Variants in LEPROT observed in about 807,000 individuals in gnomAD.
The protein encoded by LEPROT is leptin receptor overlapping transcript, also known as leptin receptor gene-related protein.
In LEPROT, 3 loss-of-function variants were observed where a neutral mutation model predicts 15.4. The observed-to-expected ratio is 0.19, with a 90% CI of 0.09 to 0.50. The LOEUF (loss-of-function observed/expected upper bound fraction) is 0.50. Ranked by LOEUF, LEPROT falls within the 20% of genes least tolerant of loss-of-function variation. LEPROT has a pLI of 0.97. For synonymous variants in LEPROT, 59 were observed against 57.5 expected, an observed-to-expected ratio of 1.03 and a Z score of -0.12; for missense variants, 137 against 162.2, an observed-to-expected ratio of 0.84 and a Z score of 0.84.
intron 2 of LEPROT, among the ~76,000 whole-genome samples, chr1:65,428,660 G>A (rs942694540): frequency 2.6e-5 from 4 of 152,048 alleles, no homozygotes; most frequent in Non-Finnish European, 4.4e-5. Context: ...CTGTCTGGGC[G>A]TATCTGTGTG....
At chr1:65,423,503 T>C (rs1570412225) in intron 1 of LEPROT, among the ~76,000 whole-genome samples, 1 of 152,140 alleles carries the variant, frequency 6.6e-6, no homozygotes, top group African/African-American at 2.4e-5. Context: ...GTACTGCCGA[T>C]GGTCAGGCAC....
intron 1 of LEPROT, among the ~76,000 whole-genome samples, chr1:65,424,049 C>T (rs1242153091): frequency 6.6e-6 from 1 of 152,172 alleles, no homozygotes; most frequent in Non-Finnish European, 1.5e-5. Context: ...AGCTTCTACC[C>T]AAAGTCATAA....
chr1:65,424,880 T>G (rs1646328510), intron 1 of LEPROT, among the ~76,000 whole-genome samples: 1 of 152,084 alleles, frequency 6.6e-6, no homozygotes, highest in Non-Finnish European at 1.5e-5. Flanking sequence ...CTCCCAAAGG[T>G]CCACCTCCTG....
At position 65,432,730 on chromosome 1, in the gene LEPROT, T is replaced by C; in HGVS notation, c.*811T>C. 3 of 734,178 alleles carry C rather than the reference T, an allele frequency of 4.1e-6. No homozygotes were observed. Among genetic ancestry groups the C allele is most frequent in the Non-Finnish European group, 5.0e-6 (3 of 600,768 alleles). The allele number at this position is 734,178 out of a possible 1,614,324, so 45.5% of individuals were successfully genotyped here. ...GTTAGGAGGAATAAGTGTGATTTTTTTTTAAAGATCACTTGCACAGCATGC... is the reference window on the plus strand; with the variant it reads ...GTTAGGAGGAATAAGTGTGATTTTTCTTTAAAGATCACTTGCACAGCATGC... On this transcript the variant is annotated 3_prime_UTR_variant, in exon 4 of 4. Transcript: ENST00000371065.
intron 2 of LEPROT, among the ~76,000 whole-genome samples, chr1:65,425,755 G>A (rs1444280146): frequency 2.0e-5 from 3 of 152,186 alleles, no homozygotes; most frequent in African/African-American, 7.2e-5. Flanking sequence ...CGGATAAAGT[G>A]CACCTGAGTT....
intron 2 of LEPROT, among the ~76,000 whole-genome samples, chr1:65,425,679 C>T (rs1263294191): frequency 6.6e-6 from 1 of 152,178 alleles, no homozygotes; most frequent in Non-Finnish European, 1.5e-5. Flanking sequence ...GAGTGAGAGA[C>T]AGGCAAACGG....
In LEPROT at chr1:65,434,411, A is replaced by C; in HGVS notation, c.*2492A>C. 6.1e-6 allele frequency: 6 copies of C among 985,440 alleles called. No homozygotes were observed. Among genetic ancestry groups the C allele is most frequent in the Non-Finnish European group, 7.2e-6 (6 of 829,930 alleles). The allele number at this position is 985,440 out of a possible 1,614,324, so 61.0% of individuals were successfully genotyped here. A position where few individuals can be genotyped will look rare whatever the true frequency, so the allele number is the denominator to read the frequency against. On this transcript the variant is annotated 3_prime_UTR_variant, in exon 4 of 4. Coordinates refer to ENST00000371065, the MANE Select transcript of LEPROT (RefSeq NM_017526.5). ...GATTGCACTTCCAAAATTGGCCACA[A>C]GTAAATAATCTTATGAAGGGATTCT...
chr1:65,429,305 A>G lies in LEPROT; in HGVS notation c.93-557A>G, dbSNP rs544276939. Among the ~76,000 whole-genome samples the G allele has an allele frequency of 1.1e-4, 16 of 152,268 alleles. No individual in the cohort carries two copies. In the South Asian group the frequency reaches 2.5e-3, roughly 24 times the overall value. On this transcript the variant is annotated intron_variant, in intron 2 of 3. Coordinates refer to ENST00000371065, the MANE Select transcript of LEPROT (RefSeq NM_017526.5). ...GCGCAAAGGCCCCAGGATAACAGCT[A>G]TGAGCTCAAGAGTGTTCAAGGGACA...
In LEPROT at chr1:65,435,280, G is replaced by A. The variant is rs922553991; in HGVS notation, c.*3361G>A. ...TCTCCTCAATGAATACTGTTTTCAA[G>A]GCTGAAATAGTTCATTATGTTAATA... On this transcript the variant is annotated 3_prime_UTR_variant, in exon 4 of 4. Transcript: ENST00000371065. The A allele has an allele frequency of 1.7e-5, 17 of 984,846 alleles. No individual in the cohort carries two copies. The African/African-American group carries it at 2.4e-4, about 14-fold the overall frequency. The allele number at this position is 984,846 out of a possible 1,614,324, so 61.0% of individuals were successfully genotyped here. A position where few individuals can be genotyped will look rare whatever the true frequency, so the allele number is the denominator to read the frequency against.
intron 1 of LEPROT, 110 bp from the exon 2 acceptor site, chr1:65,425,193 C>T (rs775142078): frequency 1.1e-4 from 91 of 846,028 alleles, no homozygotes; most frequent in African/African-American, 2.9e-4. Flanking sequence ...TTTACTCATC[C>T]GCCAAAGAAA....
chr1:65,432,339 G>A lies in LEPROT; in HGVS notation c.*420G>A. Reference sequence around the variant, plus strand: ...TGTGTTGTAGTCCATGCTATTAAAAGTGTGGCCCACAGACCAAGAGCCTCA... The same window carrying A: ...TGTGTTGTAGTCCATGCTATTAAAAATGTGGCCCACAGACCAAGAGCCTCA... On this transcript the variant is annotated 3_prime_UTR_variant, in exon 4 of 4. Transcript: ENST00000371065. The A allele has an allele frequency of 1.0e-6, 1 of 986,858 alleles. No individual in the cohort carries two copies. The highest frequency in any genetic ancestry group is 1.2e-6 in the Non-Finnish European group (1 of 830,848). 61.1% of individuals were successfully genotyped at this position (986,858 alleles called of 1,614,324 possible).
intron 2 of LEPROT, among the ~76,000 whole-genome samples, chr1:65,426,309 G>C (rs1050621662): frequency 6.6e-6 from 1 of 152,138 alleles, no homozygotes; most frequent in Admixed American, 6.5e-5. Context: ...GTAGTGGAGT[G>C]GCAAAAGAAG....
chr1:65,432,899 T>C lies in LEPROT; in HGVS notation c.*980T>C, dbSNP rs1646506298. ...TATATTCAAAAATCATAAAACCGTA[T>C]TGTACCCTATAAAAATATACAATAA... is the stretch of plus-strand genomic sequence containing the variant. On this transcript the variant is annotated 3_prime_UTR_variant, in exon 4 of 4. Coordinates refer to ENST00000371065, the MANE Select transcript of LEPROT (RefSeq NM_017526.5). 1 of 892,666 alleles carries C rather than the reference T, an allele frequency of 1.1e-6. No individual in the cohort carries two copies. Among genetic ancestry groups the C allele is most frequent in the South Asian group, 5.1e-5 (1 of 19,442 alleles). The allele number at this position is 892,666 out of a possible 1,614,324, so 55.3% of individuals were successfully genotyped here. A position where few individuals can be genotyped will look rare whatever the true frequency, so the allele number is the denominator to read the frequency against.
chr1:65,431,798 T>C lies in LEPROT; in HGVS notation c.280-5T>C. On this transcript the variant is annotated splice_region_variant and splice_polypyrimidine_tract_variant and intron_variant, in intron 3 of 3. Coordinates refer to ENST00000371065, the MANE Select transcript of LEPROT (RefSeq NM_017526.5). ...GGATTTAATCCTTCTTTTCTTGTCT[T>C]TCAGATCAAATGGGGAGCCTGCGGC... is the stretch of plus-strand genomic sequence containing the variant. The C allele has an allele frequency of 6.2e-7, 1 of 1,610,582 alleles. No homozygotes were observed. The highest frequency in any genetic ancestry group is 8.5e-7 in the Non-Finnish European group (1 of 1,178,958).
intron 3 of LEPROT, among the ~76,000 whole-genome samples, chr1:65,431,284 A>G (rs1268359821): frequency 6.6e-6 from 1 of 152,242 alleles, no homozygotes; most frequent in Non-Finnish European, 1.5e-5. Context: ...AAAACAAAAA[A>G]TGCCCACTAG....
Position 65,433,087 on chromosome 1 carries a change from A to G in LEPROT, c.*1168A>G. On this transcript the variant is annotated 3_prime_UTR_variant, in exon 4 of 4. Coordinates refer to ENST00000371065, the MANE Select transcript of LEPROT (RefSeq NM_017526.5). ...CTGGGCTCGAGCCAGCCCCTGCGTTAGCAGGAGGGGGAGAACAGATAGGTA... is the reference window on the plus strand; with the variant it reads ...CTGGGCTCGAGCCAGCCCCTGCGTTGGCAGGAGGGGGAGAACAGATAGGTA... 1.0e-6 allele frequency: 1 copy of G among 985,336 alleles called. No homozygotes were observed. Among genetic ancestry groups the G allele is most frequent in the Non-Finnish European group, 1.2e-6 (1 of 829,874 alleles). The allele number at this position is 985,336 out of a possible 1,614,324, so 61.0% of individuals were successfully genotyped here. A position where few individuals can be genotyped will look rare whatever the true frequency, so the allele number is the denominator to read the frequency against.
At position 65,430,362 on chromosome 1, in the gene LEPROT, C is replaced by A. The variant is rs558224484; in HGVS notation, c.279+314C>A. The stretch of plus-strand genomic sequence containing the variant: ...CAGTAATCCACAGATACTATGCTAG[C>A]AGTACTTTTCTAGTTGCAAGATGAA... On this transcript the variant is annotated intron_variant, in intron 3 of 3. Coordinates refer to ENST00000371065, the MANE Select transcript of LEPROT (RefSeq NM_017526.5). 9.4e-5 allele frequency: 19 copies of A among 201,370 alleles called. No individual in the cohort carries two copies. The South Asian group carries it at 3.6e-3, about 38-fold the overall frequency. 12.5% of individuals were successfully genotyped at this position (201,370 alleles called of 1,614,324 possible). A position where few individuals can be genotyped will look rare whatever the true frequency, so the allele number is the denominator to read the frequency against.
At chr1:65,431,727 G>A in intron 3 of LEPROT, 76 bp from the exon 4 acceptor site, 1 of 1,448,964 alleles carries the variant, frequency 6.9e-7, no homozygotes, top group Non-Finnish European at 9.4e-7. Context: ...TGTTTCTAAT[G>A]CAGAAAATAA....
rs575019647 is a variant in LEPROT, at chr1:65,434,059, A to G, written c.*2140A>G. 1 of 985,376 alleles carries G rather than the reference A, an allele frequency of 1.0e-6. No homozygotes were observed. The highest frequency in any genetic ancestry group is 1.1e-4 in the East Asian group (1 of 8,818). 61.0% of individuals were successfully genotyped at this position (985,376 alleles called of 1,614,324 possible). On this transcript the variant is annotated 3_prime_UTR_variant, in exon 4 of 4. Transcript: ENST00000371065. ...TTGTTGCTTATACACATTTTCAATAACCAAGGTAGCCTTCATATGTAGCCT... is the reference window on the plus strand; with the variant it reads ...TTGTTGCTTATACACATTTTCAATAGCCAAGGTAGCCTTCATATGTAGCCT...
Sources: allele counts gnomAD v4.1 joint callset (sites outside exome capture counted in the v4.1 genomes callset), GRCh38; gene constraint gnomAD v4.1.1; transcripts MANE v1.5; gene names NCBI Gene and HGNC (gene_info 2026-07-23, HGNC 2026-07-21).